Variants in OR5V1 observed in about 807,000 individuals in gnomAD.
OR5V1 encodes olfactory receptor family 5 subfamily V member 1.
For synonymous variants in OR5V1, 134 were observed against 143.2 expected (o/e 0.94, Z 0.46); for missense variants, 365 against 371.5 (o/e 0.98, Z 0.14).
Position 29,355,989 on chromosome 6 carries a change from A to T in OR5V1, c.207T>A (p.Ile69=). ...MYYFLGNLAF[I]DICYTTSNVP... The stretch of plus-strand genomic sequence containing the variant: ...CATTGCTGGTGGTGTAGCAGATGTC[A>T]ATAAAGGCCAAGTTCCCTAGAAAAT... The change falls in exon 2 of 2, where the codon ATT becomes ATA. Residue 69 remains isoleucine, a synonymous_variant. Coordinates refer to ENST00000641768, the MANE Select transcript of OR5V1 (RefSeq NM_030876.6). 1 of 1,614,058 alleles carries T rather than the reference A, an allele frequency of 6.2e-7. No individual in the cohort carries two copies. Among genetic ancestry groups the T allele is most frequent in the Non-Finnish European group, 8.5e-7 (1 of 1,179,956 alleles).
chr6:29,360,668 G>T (rs1002124381), intron 1 of OR5V1, among the ~76,000 whole-genome samples: 5 of 152,152 alleles, frequency 3.3e-5, no homozygotes, highest in Non-Finnish European at 2.9e-5. Context: ...AACTGCAGCA[G>T]ACCTGCAGAA....
chr6:29,355,062 A>G lies in OR5V1; in HGVS notation c.*168T>C. ...AATATCTAAAGAGAGCAACATTGAT[A>G]TCTCTCATAGAACTAACTAAAGCTC... On this transcript the variant is annotated 3_prime_UTR_variant, in exon 2 of 2. Transcript: ENST00000641768. The G allele has an allele frequency of 3.8e-6, 2 of 523,124 alleles. No individual in the cohort carries two copies. The highest frequency in any genetic ancestry group is 3.1e-5 in the East Asian group (1 of 31,830). 32.4% of individuals were successfully genotyped at this position (523,124 alleles called of 1,614,324 possible).
chr6:29,364,605 C>T (rs1478744114), intron 1 of OR5V1, among the ~76,000 whole-genome samples: 1 of 65,832 alleles, frequency 1.5e-5, no homozygotes, highest in African/African-American at 4.3e-5. Flanking sequence ...GAGACCATCC[C>T]GGCTAAAACG....
chr6:29,365,213 C>T (rs965534633), intron 1 of OR5V1, among the ~76,000 whole-genome samples: 4 of 151,766 alleles, frequency 2.6e-5, no homozygotes, highest in Admixed American at 2.0e-4. Context: ...AAAACCTTGG[C>T]AATACCATTC....
Position 29,354,043 on chromosome 6 carries a change from G to A in OR5V1, c.*1187C>T, listed in dbSNP as rs1778135017. ...CACTATGACAACATTACACAAAAGA[G>A]GGGCTGGGAAGTCAAGACTTAATCA... On this transcript the variant is annotated 3_prime_UTR_variant, in exon 2 of 2. Coordinates refer to ENST00000641768, the MANE Select transcript of OR5V1 (RefSeq NM_030876.6). The A allele has an allele frequency of 6.6e-6, 1 of 152,038 alleles. No homozygotes were observed. The highest frequency in any genetic ancestry group is 1.5e-5 in the Non-Finnish European group (1 of 67,942). 9.4% of individuals were successfully genotyped at this position (152,038 alleles called of 1,614,324 possible).
intron 1 of OR5V1, among the ~76,000 whole-genome samples, chr6:29,364,349 T>A (rs1337439572): frequency 6.6e-6 from 1 of 152,086 alleles, no homozygotes; most frequent in Non-Finnish European, 1.5e-5. Flanking sequence ...GAATCAATAC[T>A]GTGTAAATGG....
chr6:29,364,865 A>G (rs1171310882), intron 1 of OR5V1, among the ~76,000 whole-genome samples: 1 of 148,916 alleles, frequency 6.7e-6, no homozygotes, highest in Admixed American at 6.7e-5. Flanking sequence ...TTCAAACTAG[A>G]CTACAAGGCT....
chr6:29,360,499 A>AGT (rs1778516288), intron 1 of OR5V1, among the ~76,000 whole-genome samples: 1 of 152,198 alleles, frequency 6.6e-6, no homozygotes, highest in Admixed American at 6.5e-5. Flanking sequence ...AGACTCCCCA[A>AGT]CAGGGGTTGA....
At chr6:29,359,352 G>T (rs1778461098) in intron 1 of OR5V1, among the ~76,000 whole-genome samples, 1 of 152,134 alleles carries the variant, frequency 6.6e-6, no homozygotes, top group Non-Finnish European at 1.5e-5. Flanking sequence ...TAAATAATTT[G>T]CCTAAAGTTA....
chr6:29,355,430 T>C lies in OR5V1; in HGVS notation c.766A>G (p.Ile256Val), dbSNP rs951933856. ...AIVFLFYGSA[I>V]FTYVRPISTY... ...GAGATGGGCCGTACATATGTAAAGATGGCGCTGCCATAAAAGAGAAAGACA... is the reference window on the plus strand; with the variant it reads ...GAGATGGGCCGTACATATGTAAAGACGGCGCTGCCATAAAAGAGAAAGACA... The change falls in exon 2 of 2, where the codon ATC (isoleucine) becomes GTC (valine). Residue 256 changes from isoleucine (I) to valine (V), a missense_variant. Coordinates refer to ENST00000641768, the MANE Select transcript of OR5V1 (RefSeq NM_030876.6). The C allele has an allele frequency of 2.5e-6, 4 of 1,614,004 alleles. No individual in the cohort carries two copies. The highest frequency in any genetic ancestry group is 3.4e-6 in the Non-Finnish European group (4 of 1,179,912).
At chr6:29,365,932 AAG>A (rs1673824845) in intron 1 of OR5V1, among the ~76,000 whole-genome samples, 1 of 152,244 alleles carries the variant, frequency 6.6e-6, no homozygotes, top group African/African-American at 2.4e-5. Context: ...AGACTGGATA[AAG>A]AAAATGTGGC....
intron 1 of OR5V1, among the ~76,000 whole-genome samples, chr6:29,362,819 A>C (rs1208456810): frequency 1.3e-5 from 2 of 152,226 alleles, no homozygotes; most frequent in African/African-American, 4.8e-5. Flanking sequence ...AAAAATTTAG[A>C]GCACTAAATG....
At chr6:29,361,458 G>A (rs1360131432) in intron 1 of OR5V1, among the ~76,000 whole-genome samples, 1 of 151,916 alleles carries the variant, frequency 6.6e-6, no homozygotes, top group South Asian at 2.1e-4. Context: ...CTCGAGAAGG[G>A]CAACCCCAAG....
chr6:29,356,052 C>T lies in OR5V1; in HGVS notation c.144G>A (p.Thr48=), dbSNP rs140570809. 5.6e-6 allele frequency: 9 copies of T among 1,613,794 alleles called. No homozygotes were observed. The highest frequency in any genetic ancestry group is 2.7e-5 in the African/African-American group (2 of 74,930). The change falls in exon 2 of 2, where the codon ACG becomes ACA. Residue 48 remains threonine (T), a synonymous_variant. Coordinates refer to ENST00000641768, the MANE Select transcript of OR5V1 (RefSeq NM_030876.6). Reference sequence around the variant, plus strand: ...TATGCAGGTGTGGATCAGTCACAGTCGTCAAGATAATTAATATATTTCCTC... The same window carrying T: ...TATGCAGGTGTGGATCAGTCACAGTTGTCAAGATAATTAATATATTTCCTC... The part of the protein sequence containing the change: ...TLGGNILIIL[T]TVTDPHLHTP...
At position 29,355,632 on chromosome 6, in the gene OR5V1, A is replaced by G; in HGVS notation, c.564T>C (p.Ser188=). The part of the protein sequence containing the change: ...FCDIPPLLIL[S]CGNTSVNELA... ...ACTCATTGACAGAAGTGTTTCCACAAGACAAGATCAGCAAAGGGGGGATGT... is the reference window on the plus strand; with the variant it reads ...ACTCATTGACAGAAGTGTTTCCACAGGACAAGATCAGCAAAGGGGGGATGT... The change falls in exon 2 of 2, where the codon TCT becomes TCC. Residue 188 remains serine, a synonymous_variant. Transcript: ENST00000641768. The G allele has an allele frequency of 6.2e-7, 1 of 1,614,054 alleles. No individual in the cohort carries two copies. The highest frequency in any genetic ancestry group is 8.5e-7 in the Non-Finnish European group (1 of 1,179,946).
chr6:29,356,320 C>A, intron 1 of OR5V1, 43 bp from the exon 2 acceptor site: 1 of 1,093,196 alleles, frequency 9.1e-7, no homozygotes, highest in Non-Finnish European at 1.3e-6. Flanking sequence ...AAAGTAATCA[C>A]CATTTATGTC....
In OR5V1 at chr6:29,355,300, T is replaced by G; in HGVS notation, c.896A>C (p.Glu299Ala). 1 of 1,613,464 alleles carries G rather than the reference T, an allele frequency of 6.2e-7. No individual in the cohort carries two copies. Among genetic ancestry groups the G allele is most frequent in the Non-Finnish European group, 8.5e-7 (1 of 1,179,702 alleles). Residue 299 changes from glutamate (E) to alanine (A), a missense_variant, in exon 2 of 2, where the codon GAA becomes GCA. Coordinates refer to ENST00000641768, the MANE Select transcript of OR5V1 (RefSeq NM_030876.6). ...CTTGCTCCCTATAGTTTTGACAGCT[T>G]CTTTGATGTCCTTATTCCTCAATGT... is the stretch of plus-strand genomic sequence containing the variant. ...IYTLRNKDIK[E>A]AVKTIGSKWQ... is the part of the protein sequence containing the mutation.
At position 29,364,536 on chromosome 6, in the gene OR5V1, C is replaced by T. The variant is rs377392715; in HGVS notation, c.-83+4096G>A. ...AAGCTGGGCCGGGCGCGGTGGCTCA[C>T]GCCTGTAATCCCAGCACTTTGGGAG... On this transcript the variant is annotated intron_variant, in intron 1 of 1. Transcript: ENST00000641768. Among the ~76,000 whole-genome samples the T allele has an allele frequency of 2.6e-3, 223 of 84,438 alleles. 75 individuals are homozygous for T. The highest frequency in any genetic ancestry group is 4.5e-3 in the African/African-American group (132 of 29,416). 55.4% of individuals were successfully genotyped at this position (84,438 alleles called of 152,430 possible). A position where few individuals can be genotyped will look rare whatever the true frequency, so the allele number is the denominator to read the frequency against.
chr6:29,357,094 C>G (rs1778351627), intron 1 of OR5V1, among the ~76,000 whole-genome samples: 1 of 152,100 alleles, frequency 6.6e-6, no homozygotes. Flanking sequence ...AGAGACTTAT[C>G]CTAATGAATT....
Sources: gnomAD v4.1 joint callset for allele counts (sites outside exome capture counted in the v4.1 genomes callset) on GRCh38, gnomAD v4.1.1 for gene constraint, MANE v1.5 for transcripts, NCBI Gene and HGNC (gene_info 2026-07-23, HGNC 2026-07-21) for gene names.